The following SIPA1L2 variants were observed in gnomAD, a reference collection of about 807,000 sequenced individuals.
The protein encoded by SIPA1L2 is signal-induced proliferation-associated 1-like protein 2.
Under a neutral mutation model 163.9 loss-of-function variants are expected in SIPA1L2, and 56 were observed. That is an observed-to-expected ratio of 0.34 (90% CI 0.28 to 0.43). SIPA1L2 has a LOEUF of 0.43. SIPA1L2 is among the 20% of genes least tolerant of loss of function. The probability of loss-of-function intolerance (pLI) is 1.00; values close to 1 mark genes in which losing one functional copy is unlikely to be tolerated. For missense variants in SIPA1L2, 1,974 were observed against 2,193.5 expected, an observed-to-expected ratio of 0.90 and a Z score of 2.00; for synonymous variants, 877 against 865.7, an observed-to-expected ratio of 1.01 and a Z score of -0.23.
At chr1:232,596,978 C>T (rs1048978692) in intron 1 of SIPA1L2, among the ~76,000 whole-genome samples, 10 of 152,180 alleles carry the variant, frequency 6.6e-5, no homozygotes, top group Admixed American at 6.5e-4. Context: ...CTGGCAGGAC[C>T]ATTTGGTTTT....
At chr1:232,586,782 G>A (rs1329669704) in intron 1 of SIPA1L2, among the ~76,000 whole-genome samples, 1 of 152,212 alleles carries the variant, frequency 6.6e-6, no homozygotes, top group Non-Finnish European at 1.5e-5. Flanking sequence ...TGGGAAAACA[G>A]GAGTGAAACA....
chr1:232,600,486 T>A lies in SIPA1L2; in HGVS notation c.-318-26264A>T, dbSNP rs559369062. ...CCCGCTGAGAAATGAAAGTTATGAG[T>A]GTGAAGGGATGAGGAAACTGGGTTA... On this transcript the variant is annotated intron_variant, in intron 1 of 22. Coordinates refer to ENST00000674635, the MANE Select transcript of SIPA1L2 (RefSeq NM_020808.5). Among the ~76,000 whole-genome samples the A allele has an allele frequency of 2.6e-5, 4 of 152,176 alleles. No homozygotes were observed. In the South Asian group the frequency reaches 8.3e-4, roughly 32 times the overall value.
rs989629304 is a variant in SIPA1L2 at position 232,471,487 on chromosome 1, G to A, written c.2127C>T (p.Ile709=). ...GAAGTGCCCCAGGCTCCTGGAAGAC[G>A]ATGGTGACGATGTCATTTCCTATGT... The part of the protein sequence containing the change: ...KRHIGNDIVT[I]VFQEPGALPF... Residue 709 remains isoleucine (I), a synonymous_variant, in exon 8 of 23, where the codon ATC becomes ATT. Transcript: ENST00000674635. The A allele has an allele frequency of 3.7e-6, 6 of 1,613,908 alleles. No individual in the cohort carries two copies. The highest frequency in any genetic ancestry group is 2.7e-5 in the African/African-American group (2 of 74,920).
intron 1 of SIPA1L2, among the ~76,000 whole-genome samples, chr1:232,595,283 G>C (rs1573143231): frequency 6.6e-6 from 1 of 152,164 alleles, no homozygotes; most frequent in Non-Finnish European, 1.5e-5. Context: ...AGTCCAATGG[G>C]CACAAAGCCT....
intron 2 of SIPA1L2, among the ~76,000 whole-genome samples, chr1:232,547,610 A>T (rs986700418): frequency 6.6e-6 from 1 of 151,746 alleles, no homozygotes; most frequent in Non-Finnish European, 1.5e-5. Flanking sequence ...GGTGGGGCAG[A>T]TAAGAGTGAG....
At chr1:232,608,833 C>G (rs368516395) in intron 1 of SIPA1L2, among the ~76,000 whole-genome samples, 1 of 152,056 alleles carries the variant, frequency 6.6e-6, no homozygotes, top group Non-Finnish European at 1.5e-5. Flanking sequence ...CTACCTGGGA[C>G]TGTAAGATTC....
intron 9 of SIPA1L2, among the ~76,000 whole-genome samples, chr1:232,463,443 C>T (rs10910527): frequency 0.13 from 19,127 of 152,234 alleles, 2,774 homozygotes; most frequent in East Asian, 0.71. Context: ...TTTCCAACAG[C>T]TCATGTTGCA....
At chr1:232,529,889 C>T (rs1436419831) in intron 2 of SIPA1L2, among the ~76,000 whole-genome samples, 1 of 152,206 alleles carries the variant, frequency 6.6e-6, no homozygotes, top group Non-Finnish European at 1.5e-5. Context: ...CACGGCCCCA[C>T]CTATTGCAGA....
At chr1:232,509,922 C>T (rs1573003749) in intron 3 of SIPA1L2, among the ~76,000 whole-genome samples, 1 of 152,184 alleles carries the variant, frequency 6.6e-6, no homozygotes, top group Non-Finnish European at 1.5e-5. Context: ...GCTCCTTCCC[C>T]AGCCCGAGCC....
intron 3 of SIPA1L2, among the ~76,000 whole-genome samples, chr1:232,510,001 G>A (rs561468420): frequency 1.3e-5 from 2 of 152,182 alleles, no homozygotes; most frequent in Non-Finnish European, 2.9e-5. Flanking sequence ...GTGACCTCAC[G>A]GATTGCCTCC....
At chr1:232,490,134 C>T (rs950796893) in intron 5 of SIPA1L2, among the ~76,000 whole-genome samples, 1 of 152,264 alleles carries the variant, frequency 6.6e-6, no homozygotes, top group East Asian at 1.9e-4. Flanking sequence ...GCCTAGCATA[C>T]CAGGTCTCAT....
At chr1:232,556,195 C>G (rs759531248) in intron 2 of SIPA1L2, among the ~76,000 whole-genome samples, 2 of 152,228 alleles carry the variant, frequency 1.3e-5, no homozygotes, top group African/African-American at 2.4e-5. Context: ...ACAAAACTTA[C>G]AGAGGAATGA....
rs375541776 is a variant in SIPA1L2, at chr1:232,514,982, C to A, written c.358G>T (p.Asp120Tyr). The stretch of plus-strand genomic sequence containing the variant: ...TCATCTTGCTGACCTTCACTCTGGT[C>A]ACTCTGCCCATTCTGCAGGACAGAA... Reference protein sequence around the residue: ...ITSVLQNGQSDQSEGQQDEQL... With the variant: ...ITSVLQNGQSYQSEGQQDEQL... Residue 120 changes from aspartate (D) to tyrosine (Y), a missense_variant, in exon 3 of 23, where the codon GAC becomes TAC. This residue lies in a region of SIPA1L2 where 607 missense variants were observed against 624.0 expected (regional missense o/e 0.97). Coordinates refer to ENST00000674635, the MANE Select transcript of SIPA1L2 (RefSeq NM_020808.5). 3 of 1,614,166 alleles carry A rather than the reference C, an allele frequency of 1.9e-6. No individual in the cohort carries two copies. Among genetic ancestry groups the A allele is most frequent in the South Asian group, 1.1e-5 (1 of 91,070 alleles).
chr1:232,580,389 C>T (rs537270981), intron 1 of SIPA1L2, among the ~76,000 whole-genome samples: 11 of 152,282 alleles, frequency 7.2e-5, no homozygotes, highest in South Asian at 2.1e-4. Flanking sequence ...CTATATCTTG[C>T]GCTGACCTCC....
intron 5 of SIPA1L2, among the ~76,000 whole-genome samples, chr1:232,489,321 C>T (rs189415369): frequency 1.4e-3 from 212 of 152,290 alleles, no homozygotes; most frequent in African/African-American, 4.2e-3. Context: ...CCGATGTATC[C>T]TCTCTATCCC....
chr1:232,427,182 C>A (rs1031742757), intron 17 of SIPA1L2, among the ~76,000 whole-genome samples: 6 of 152,174 alleles, frequency 3.9e-5, no homozygotes, highest in African/African-American at 1.4e-4. Flanking sequence ...CCTTTGCACC[C>A]AAGCTTATAC....
intron 2 of SIPA1L2, among the ~76,000 whole-genome samples, chr1:232,558,865 C>T (rs1176341052): frequency 6.6e-6 from 1 of 152,172 alleles, no homozygotes; most frequent in Non-Finnish European, 1.5e-5. Context: ...GACTCACTAT[C>T]CTAGTATAAA....
chr1:232,522,582 G>C (rs1212287719), intron 2 of SIPA1L2, among the ~76,000 whole-genome samples: 2 of 150,248 alleles, frequency 1.3e-5, no homozygotes, highest in African/African-American at 4.9e-5. Flanking sequence ...TAAACTCTAA[G>C]CATGGGGAAG....
At chr1:232,464,782 T>C in intron 9 of SIPA1L2, 58 bp downstream of exon 9, 1 of 1,404,536 alleles carries the variant, frequency 7.1e-7, no homozygotes, top group Non-Finnish European at 9.7e-7. Flanking sequence ...GTGAAAGTTA[T>C]TTTGAATCTG....
Sources: allele counts gnomAD v4.1 joint callset (sites outside exome capture counted in the v4.1 genomes callset), GRCh38; gene constraint gnomAD v4.1.1; regional missense constraint gnomAD v4.1.1; transcripts MANE v1.5; gene names NCBI Gene and HGNC (gene_info 2026-07-23, HGNC 2026-07-21).